Variants in SETBP1 observed in about 807,000 individuals in gnomAD.
SETBP1 encodes SET-binding protein.
Under a neutral mutation model 101.0 loss-of-function variants are expected in SETBP1, and 9 were observed. The observed-to-expected ratio is 0.09, with a 90% confidence interval of 0.05 to 0.16. The LOEUF is 0.16. Among genes scored for constraint, SETBP1 ranks in the 10% least tolerant of loss-of-function variants. The pLI, the probability that SETBP1 is intolerant of heterozygous loss-of-function variation, is 1.00. For synonymous variants in SETBP1, 818 were observed against 788.5 expected, an observed-to-expected ratio of 1.04 and a Z score of -0.63; for missense variants, 1,858 against 2,033.8, an observed-to-expected ratio of 0.91 and a Z score of 1.66.
intron 4 of SETBP1, among the ~76,000 whole-genome samples, chr18:45,005,025 A>G (rs1444675774): frequency 6.6e-6 from 1 of 152,232 alleles, no homozygotes; most frequent in Non-Finnish European, 1.5e-5. Flanking sequence ...AGAAGAAGCC[A>G]AGTGATCTGC....
At chr18:44,696,843 C>A (rs1310936460) in intron 1 of SETBP1, among the ~76,000 whole-genome samples, 1 of 152,196 alleles carries the variant, frequency 6.6e-6, no homozygotes, top group Non-Finnish European at 1.5e-5. Context: ...GGAATAAAGA[C>A]AAAGTTTTGG....
At chr18:44,843,469 C>T (rs2144539974) in intron 2 of SETBP1, among the ~76,000 whole-genome samples, 1 of 152,352 alleles carries the variant, frequency 6.6e-6, no homozygotes, top group South Asian at 2.1e-4. Context: ...AGCCTCTCTC[C>T]TTTCACAGGT....
chr18:44,719,944 T>C (rs1261505174), intron 2 of SETBP1, among the ~76,000 whole-genome samples: 1 of 152,218 alleles, frequency 6.6e-6, no homozygotes, highest in Non-Finnish European at 1.5e-5. Flanking sequence ...TGTGAGAAGA[T>C]GTCAAATCTG....
intron 1 of SETBP1, among the ~76,000 whole-genome samples, chr18:44,695,363 A>C (rs929998225): frequency 2.6e-5 from 4 of 152,240 alleles, no homozygotes; most frequent in Non-Finnish European, 4.4e-5. Flanking sequence ...AGAGAGCTCC[A>C]CACTACACTC....
At chr18:44,874,418 G>A (rs958118790) in intron 3 of SETBP1, among the ~76,000 whole-genome samples, 1 of 152,196 alleles carries the variant, frequency 6.6e-6, no homozygotes, top group African/African-American at 2.4e-5. Context: ...TGTGATAGAT[G>A]AAGGTTCCTC....
chr18:44,712,056 A>C (rs2069359717), intron 2 of SETBP1, among the ~76,000 whole-genome samples: 1 of 151,856 alleles, frequency 6.6e-6, no homozygotes, highest in Non-Finnish European at 1.5e-5. Context: ...ACCTTTATTT[A>C]CTCTCAGAAG....
At chr18:44,907,915 A>G (rs966793236) in intron 3 of SETBP1, among the ~76,000 whole-genome samples, 20 of 152,178 alleles carry the variant, frequency 1.3e-4, no homozygotes, top group Admixed American at 2.6e-4. Context: ...GCCTAACCAA[A>G]GGTCAAAAAA....
intron 2 of SETBP1, among the ~76,000 whole-genome samples, chr18:44,759,358 T>C (rs1323960722): frequency 6.6e-6 from 1 of 152,218 alleles, no homozygotes; most frequent in African/African-American, 2.4e-5. Flanking sequence ...GCGAAGGTGA[T>C]ACGTTCAACA....
intron 4 of SETBP1, among the ~76,000 whole-genome samples, chr18:45,016,611 C>T (rs562934496): frequency 1.1e-3 from 166 of 152,256 alleles, no homozygotes; most frequent in Non-Finnish European, 1.9e-3. Flanking sequence ...AATAAATATG[C>T]TGCTTCAATT....
chr18:44,712,898 G>A (rs1357476268), intron 2 of SETBP1, among the ~76,000 whole-genome samples: 2 of 151,166 alleles, frequency 1.3e-5, no homozygotes, highest in South Asian at 2.1e-4. Context: ...TTCCAAAATC[G>A]TGGATATTGC....
chr18:44,687,279 CT>C (rs1437013456), intron 1 of SETBP1, among the ~76,000 whole-genome samples: 1 of 152,170 alleles, frequency 6.6e-6, no homozygotes, highest in Non-Finnish European at 1.5e-5. Flanking sequence ...TTCTAAAATT[CT>C]GTGATTCTAT....
intron 2 of SETBP1, among the ~76,000 whole-genome samples, chr18:44,720,397 C>T (rs1426473526): frequency 6.6e-6 from 1 of 152,148 alleles, no homozygotes; most frequent in African/African-American, 2.4e-5. Flanking sequence ...TTCTCAATAG[C>T]CGCTGCTGTA....
intron 1 of SETBP1, among the ~76,000 whole-genome samples, chr18:44,690,037 G>C (rs2068903594): frequency 6.6e-6 from 1 of 152,172 alleles, no homozygotes; most frequent in Non-Finnish European, 1.5e-5. Flanking sequence ...GCTAGGTCCT[G>C]TCCGCTACCA....
intron 3 of SETBP1, among the ~76,000 whole-genome samples, chr18:44,914,609 A>G (rs981043717): frequency 1.2e-4 from 19 of 152,206 alleles, no homozygotes; most frequent in African/African-American, 4.6e-4. Context: ...TAGTCTATGT[A>G]ATCAAATGAT....
intron 2 of SETBP1, among the ~76,000 whole-genome samples, chr18:44,741,734 A>G (rs1240005457): frequency 6.6e-6 from 1 of 152,090 alleles, no homozygotes; most frequent in Non-Finnish European, 1.5e-5. Flanking sequence ...TGTTCAAATT[A>G]TCTCTGCATT....
chr18:45,046,931 C>T (rs1489191993), intron 5 of SETBP1, among the ~76,000 whole-genome samples: 1 of 152,198 alleles, frequency 6.6e-6, no homozygotes, highest in Non-Finnish European at 1.5e-5. Context: ...GCCTGGACTT[C>T]ACTTAGCTAA....
intron 5 of SETBP1, among the ~76,000 whole-genome samples, chr18:45,043,675 C>T (rs1215141772): frequency 1.3e-5 from 2 of 152,136 alleles, no homozygotes; most frequent in Non-Finnish European, 2.9e-5. Context: ...AATTTTTAGG[C>T]ATTTTGCTTC....
At chr18:44,977,544 A>G (rs550955575) in intron 4 of SETBP1, among the ~76,000 whole-genome samples, 1 of 152,256 alleles carries the variant, frequency 6.6e-6, no homozygotes, top group Non-Finnish European at 1.5e-5. Flanking sequence ...TTACCCTGAT[A>G]TGTTGGTTTA....
At position 44,786,408 on chromosome 18, in the gene SETBP1, T is replaced by G. The variant is rs189760807; in HGVS notation, c.487-82822T>G. On this transcript the variant is annotated intron_variant, in intron 2 of 5. Transcript: ENST00000649279. The stretch of plus-strand genomic sequence containing the variant: ...ATATGTGATTTGAGAGGTCCTTGAT[T>G]TTTTCCCCAAGAATTACATCTTTTC... Among the ~76,000 whole-genome samples the G allele has an allele frequency of 3.3e-4, 50 of 152,332 alleles. 1 individual carries two copies. The highest frequency in any genetic ancestry group is 2.9e-3 in the Admixed American group (44 of 15,302).
Sources: allele counts gnomAD v4.1 joint callset (sites outside exome capture counted in the v4.1 genomes callset), GRCh38; gene constraint gnomAD v4.1.1; transcripts MANE v1.5; gene names NCBI Gene and HGNC (gene_info 2026-07-23, HGNC 2026-07-21).